Variants in PHC3 observed in about 807,000 individuals in gnomAD.
PHC3 encodes polyhomeotic-like protein 3.
Under a neutral mutation model 107.4 loss-of-function variants are expected in PHC3, and 13 were observed. That is an observed-to-expected ratio of 0.12 (90% CI 0.08 to 0.19). PHC3 has a LOEUF of 0.19. Among genes scored for constraint, PHC3 ranks in the 10% least tolerant of loss-of-function variants. The pLI is 1.00. For synonymous variants in PHC3, 456 were observed against 427.4 expected (o/e 1.07, Z -0.83); for missense variants, 992 against 1,210.9 (o/e 0.82, Z 2.68).
intron 10 of PHC3, among the ~76,000 whole-genome samples, chr3:170,116,526 C>T (rs1286486339): frequency 4.1e-4 from 62 of 152,064 alleles, no homozygotes; most frequent in Non-Finnish European, 2.9e-5. Flanking sequence ...GAAACAGTGC[C>T]ACTGCACTCC....
Position 170,129,301 on chromosome 3 carries a change from G to A in PHC3, c.1171C>T (p.Pro391Ser), listed in dbSNP as rs748771402. Residue 391 changes from proline to serine, a missense_variant, in exon 8 of 15, where the codon CCC becomes TCC. By Grantham distance (74) the Pro-to-Ser change is moderately conservative. Coordinates refer to ENST00000495893, the MANE Select transcript of PHC3 (RefSeq NM_024947.4). Reference protein sequence around the residue: ...SQHCSPIQSHPSPLTVSPNQS... With the variant: ...SQHCSPIQSHSSPLTVSPNQS... ...TTAGGAGACACTGTTAAAGGAGAGG[G>A]ATGACTCTGAATCGGTGAACAATGC... is the stretch of plus-strand genomic sequence containing the variant. 2 of 1,613,990 alleles carry A rather than the reference G, an allele frequency of 1.2e-6. No homozygotes were observed. Among genetic ancestry groups the A allele is most frequent in the Non-Finnish European group, 8.5e-7 (1 of 1,179,892 alleles).
At chr3:170,178,727 T>C in intron 2 of PHC3, 46 bp downstream of exon 2, 2 of 1,586,082 alleles carry the variant, frequency 1.3e-6, no homozygotes, top group Non-Finnish European at 1.7e-6. Flanking sequence ...CAAAAAGTAA[T>C]ATGACATCTT....
chr3:170,173,726 T>C (rs1402918853), intron 2 of PHC3, among the ~76,000 whole-genome samples: 2 of 152,152 alleles, frequency 1.3e-5, no homozygotes, highest in Non-Finnish European at 2.9e-5. Context: ...TACAAAATAG[T>C]ATATAGAGTA....
chr3:170,087,940 T>C lies in PHC3; in HGVS notation c.*9290A>G, dbSNP rs1214037112. The C allele has an allele frequency of 1.3e-5, 2 of 152,144 alleles. No homozygotes were observed. Among genetic ancestry groups the C allele is most frequent in the East Asian group, 3.8e-4 (2 of 5,208 alleles). 9.4% of individuals were successfully genotyped at this position (152,144 alleles called of 1,614,324 possible). ...AAGTGCTTTCTCTTTTTTAAAAAAA[T>C]ACACCAAATGGACACTTTTTACATA... On this transcript the variant is annotated 3_prime_UTR_variant, in exon 15 of 15. Transcript: ENST00000495893.
chr3:170,173,935 G>A (rs142709427), intron 2 of PHC3, among the ~76,000 whole-genome samples: 1,853 of 152,288 alleles, frequency 0.012, 40 homozygotes, highest in African/African-American at 0.042. Flanking sequence ...GCTCATGCCT[G>A]TGATCCCACC....
intron 7 of PHC3, among the ~76,000 whole-genome samples, chr3:170,135,204 G>A (rs1722872260): frequency 2.6e-5 from 4 of 152,172 alleles, no homozygotes; most frequent in Admixed American, 1.3e-4. Flanking sequence ...AGGCTGGAGT[G>A]CAGTGGTGCA....
intron 3 of PHC3, 41 bp downstream of exon 3, chr3:170,172,516 A>G: frequency 6.3e-7 from 1 of 1,590,438 alleles, no homozygotes; most frequent in Non-Finnish European, 8.5e-7. Flanking sequence ...ACCTACAGAT[A>G]ACAGAAACTT....
At chr3:170,181,428 C>A (rs1560148614) in intron 1 of PHC3, among the ~76,000 whole-genome samples, 1 of 152,154 alleles carries the variant, frequency 6.6e-6, no homozygotes, top group Non-Finnish European at 1.5e-5. Context: ...AACCCCAGCT[C>A]CCGGAGTCCC....
At chr3:170,165,562 G>A (rs1469846521) in intron 4 of PHC3, among the ~76,000 whole-genome samples, 1 of 151,732 alleles carries the variant, frequency 6.6e-6, no homozygotes, top group Non-Finnish European at 1.5e-5. Context: ...AGACTGGCCT[G>A]GCCAAAATGG....
chr3:170,179,057 AG>A (rs1730979000), intron 1 of PHC3, 119 bp from the exon 2 acceptor site: 1 of 946,456 alleles, frequency 1.1e-6, no homozygotes. Context: ...CTCTCATAAA[AG>A]ACAGCCAACA....
At position 170,128,355 on chromosome 3, in the gene PHC3, T is replaced by C. The variant is rs918796886; in HGVS notation, c.1788+329A>G. ...GGATAATCACCTTAAGAGAAAAAAC[T>C]TTGTGCAGATGACACTGGTTCAAAT... On this transcript the variant is annotated intron_variant, in intron 8 of 14. Coordinates refer to ENST00000495893, the MANE Select transcript of PHC3 (RefSeq NM_024947.4). 2.8e-5 allele frequency: 36 copies of C among 1,298,120 alleles called. No homozygotes were observed. The Admixed American group carries it at 4.6e-4, about 17-fold the overall frequency. 80.4% of individuals were successfully genotyped at this position (1,298,120 alleles called of 1,614,324 possible).
intron 11 of PHC3, among the ~76,000 whole-genome samples, chr3:170,108,461 T>A (rs564738043): frequency 1.3e-5 from 2 of 152,254 alleles, no homozygotes; most frequent in Admixed American, 6.5e-5. Context: ...TCCTGAATAA[T>A]GAAATCATGA....
At chr3:170,129,681 C>A (rs1721927598) in intron 7 of PHC3, 129 bp from the exon 8 acceptor site, 32 of 984,624 alleles carry the variant, frequency 3.2e-5, no homozygotes, top group South Asian at 7.4e-5. Context: ...GTTTTCCAAA[C>A]AAGAGTAATT....
At chr3:170,102,151 A>C in intron 14 of PHC3, 1 of 985,190 alleles carries the variant, frequency 1.0e-6, no homozygotes, top group Non-Finnish European at 1.2e-6. Context: ...GAAAGGAAGA[A>C]GTGTCTGATT....
At chr3:170,137,909 G>A (rs542030087) in intron 6 of PHC3, among the ~76,000 whole-genome samples, 27 of 152,172 alleles carry the variant, frequency 1.8e-4, no homozygotes, top group South Asian at 4.1e-4. Flanking sequence ...AAAACAAGCT[G>A]TCCTTTCTCA....
At chr3:170,136,110 T>C (rs1723029427) in intron 7 of PHC3, among the ~76,000 whole-genome samples, 1 of 152,212 alleles carries the variant, frequency 6.6e-6, no homozygotes, top group Non-Finnish European at 1.5e-5. Context: ...TGAAGTATAT[T>C]AAATAAACTA....
chr3:170,126,530 T>TATATATATA (rs1560059403), intron 8 of PHC3, among the ~76,000 whole-genome samples: 3 of 72,890 alleles, frequency 4.1e-5, no homozygotes, highest in African/African-American at 1.7e-4. Context: ...ATATATATAT[T>TATATATATA]TTTTTTTTTT....
intron 3 of PHC3, among the ~76,000 whole-genome samples, chr3:170,171,803 T>G (rs1225115063): frequency 6.6e-6 from 1 of 152,242 alleles, no homozygotes; most frequent in Non-Finnish European, 1.5e-5. Flanking sequence ...TCCTAACTTG[T>G]ATCACAAACA....
chr3:170,169,449 G>C (rs1037742999), intron 4 of PHC3, among the ~76,000 whole-genome samples: 11 of 152,280 alleles, frequency 7.2e-5, no homozygotes, highest in African/African-American at 2.2e-4. Flanking sequence ...CTTGGGCATT[G>C]TAATTTTTAC....
Sources: allele counts gnomAD v4.1 joint callset (sites outside exome capture counted in the v4.1 genomes callset), GRCh38; gene constraint gnomAD v4.1.1; transcripts MANE v1.5; gene names NCBI Gene and HGNC (gene_info 2026-07-23, HGNC 2026-07-21).